LTBP1: variants seen among roughly 807,000 people sequenced by gnomAD.
LTBP1 encodes the protein latent-transforming growth factor beta-binding protein 1.
LTBP1 carries 129 observed loss-of-function variants against 207.6 expected under a neutral mutation model. The observed-to-expected ratio is 0.62, with a 90% CI of 0.54 to 0.72. The LOEUF (loss-of-function observed/expected upper bound fraction) is 0.72, where lower values mean the gene tolerates loss of function less well. LTBP1 is among the 30% of genes least tolerant of loss of function. The pLI, the probability that LTBP1 is intolerant of heterozygous loss-of-function variation, is 0.00. For synonymous variants in LTBP1, 963 were observed against 833.7 expected (o/e 1.16, Z -2.67); for missense variants, 2,281 against 2,217.2 (o/e 1.03, Z -0.58).
At chr2:33,035,584 T>C (rs753908324) in intron 3 of LTBP1, among the ~76,000 whole-genome samples, 27 of 152,246 alleles carry the variant, frequency 1.8e-4, no homozygotes, top group Non-Finnish European at 3.5e-4. Context: ...TTTTATGCAT[T>C]GTGAGAAATT....
intron 19 of LTBP1, among the ~76,000 whole-genome samples, chr2:33,282,185 A>G (rs1486493507): frequency 6.6e-6 from 1 of 151,952 alleles, no homozygotes; most frequent in Non-Finnish European, 1.5e-5. Flanking sequence ...AGATCACTGC[A>G]TTTCTCAATT....
chr2:33,139,185 A>G (rs1330833537), intron 5 of LTBP1, among the ~76,000 whole-genome samples: 1 of 151,470 alleles, frequency 6.6e-6, no homozygotes, highest in Non-Finnish European at 1.5e-5. Context: ...ACATTATTTC[A>G]TTTGATGCTT....
intron 5 of LTBP1, among the ~76,000 whole-genome samples, chr2:33,169,582 T>C (rs1360784830): frequency 6.6e-6 from 1 of 152,212 alleles, no homozygotes; most frequent in Non-Finnish European, 1.5e-5. Context: ...GGAGGGGTAA[T>C]AGCTTTTTAA....
At chr2:33,297,301 C>T (rs1573688331) in intron 20 of LTBP1, among the ~76,000 whole-genome samples, 2 of 152,158 alleles carry the variant, frequency 1.3e-5, no homozygotes, top group African/African-American at 2.4e-5. Flanking sequence ...ATGCAATCCT[C>T]ATATCAGCTC....
rs758611517 is a variant in LTBP1, at chr2:33,167,931, G to A, written c.1202-18925G>A. Among the ~76,000 whole-genome samples the A allele has an allele frequency of 9.2e-5, 14 of 152,182 alleles. 1 individual carries two copies. Among genetic ancestry groups the A allele is most frequent in the Non-Finnish European group, 1.9e-4 (13 of 68,038 alleles). On this transcript the variant is annotated intron_variant, in intron 5 of 33. Coordinates refer to ENST00000404816, the MANE Select transcript of LTBP1 (RefSeq NM_206943.4). ...GTTAAGCAGGAAATTGATGGGTGTG[G>A]TTTTCAGTTCAAATGAGTCTGTATC...
intron 10 of LTBP1, among the ~76,000 whole-genome samples, chr2:33,251,907 T>C (rs1419916023): frequency 6.6e-6 from 1 of 152,182 alleles, no homozygotes; most frequent in African/African-American, 2.4e-5. Context: ...TGTGTTTTGC[T>C]GATTTTCATA....
chr2:32,955,128 T>C (rs1264016867), intron 2 of LTBP1, among the ~76,000 whole-genome samples: 1 of 152,222 alleles, frequency 6.6e-6, no homozygotes, highest in Non-Finnish European at 1.5e-5. Flanking sequence ...TGGCCCACAG[T>C]TTGAGAAACT....
chr2:33,210,109 A>G (rs2090197152), intron 7 of LTBP1, among the ~76,000 whole-genome samples: 1 of 152,222 alleles, frequency 6.6e-6, no homozygotes, highest in Non-Finnish European at 1.5e-5. Flanking sequence ...TTGTGCAGAA[A>G]AGTCTGTTTC....
At chr2:33,229,257 G>C (rs1277850827) in intron 9 of LTBP1, among the ~76,000 whole-genome samples, 1 of 152,020 alleles carries the variant, frequency 6.6e-6, no homozygotes, top group African/African-American at 2.4e-5. Context: ...ATTGCTTGAG[G>C]CTAGGAGTTT....
chr2:33,022,680 G>A (rs1006273484), intron 3 of LTBP1, among the ~76,000 whole-genome samples: 1 of 152,142 alleles, frequency 6.6e-6, no homozygotes, highest in African/African-American at 2.4e-5. Context: ...GAAGGAAGGA[G>A]TTGGCAAAAA....
chr2:33,361,580 A>T, intron 28 of LTBP1, 65 bp downstream of exon 28: 1 of 1,169,852 alleles, frequency 8.5e-7, no homozygotes. Flanking sequence ...AAGTGAAAAC[A>T]TGGCTTGGGT....
chr2:33,385,760 G>C (rs2095260422), intron 31 of LTBP1, among the ~76,000 whole-genome samples: 1 of 152,102 alleles, frequency 6.6e-6, no homozygotes, highest in African/African-American at 2.4e-5. Flanking sequence ...GGATGGATTA[G>C]GACAGACCTG....
chr2:33,229,639 A>G (rs921829320), intron 9 of LTBP1, among the ~76,000 whole-genome samples: 44 of 152,210 alleles, frequency 2.9e-4, no homozygotes, highest in African/African-American at 8.2e-4. Context: ...CTTGCTATCT[A>G]TTTTGTATGT....
Position 33,021,165 on chromosome 2 carries a change from G to A in LTBP1, c.822G>A (p.Lys274=). ...TGGCCCAGATGACCTTAACCCTCAA[G>A]CCGAAGCCTTCAGTGGGACTCCCCC... ...SPVAQMTLTL[K]PKPSVGLPQQ... is the part of the protein sequence containing the mutation. Residue 274 remains lysine, a synonymous_variant, in exon 3 of 34, where the codon AAG becomes AAA. Coordinates refer to ENST00000404816, the MANE Select transcript of LTBP1 (RefSeq NM_206943.4). 6.2e-7 allele frequency: 1 copy of A among 1,609,578 alleles called. No individual in the cohort carries two copies. The highest frequency in any genetic ancestry group is 8.5e-7 in the Non-Finnish European group (1 of 1,177,026).
At chr2:33,039,165 C>T (rs984372634) in intron 3 of LTBP1, among the ~76,000 whole-genome samples, 2 of 152,132 alleles carry the variant, frequency 1.3e-5, no homozygotes, top group Admixed American at 1.3e-4. Context: ...CCACTCTTCT[C>T]TTTGAGGGTT....
At position 33,057,264 on chromosome 2, in the gene LTBP1, T is replaced by A. The variant is rs181269700; in HGVS notation, c.863+36058T>A. Reference sequence around the variant, plus strand: ...GTGCTAATTGGTGTGTTTACAAACCTTGAGCTAGATACAGAGTGCTCATTG... The same window carrying A: ...GTGCTAATTGGTGTGTTTACAAACCATGAGCTAGATACAGAGTGCTCATTG... On this transcript the variant is annotated intron_variant, in intron 3 of 33. Coordinates refer to ENST00000404816, the MANE Select transcript of LTBP1 (RefSeq NM_206943.4). 2.1e-5 allele frequency among the ~76,000 whole-genome samples: 3 copies of A among 145,202 alleles called. 1 individual carries two copies. Among genetic ancestry groups the A allele is most frequent in the Non-Finnish European group, 1.6e-5 (1 of 63,372 alleles).
intron 3 of LTBP1, among the ~76,000 whole-genome samples, chr2:33,076,985 A>G (rs2078119600): frequency 6.6e-6 from 1 of 152,190 alleles, no homozygotes. Flanking sequence ...TGGTTAGGAA[A>G]GATGAATTTT....
chr2:33,042,880 A>G (rs1187164526), intron 3 of LTBP1, among the ~76,000 whole-genome samples: 1 of 152,188 alleles, frequency 6.6e-6, no homozygotes, highest in Non-Finnish European at 1.5e-5. Context: ...GAGTCTATAT[A>G]AAGCTAAAAC....
chr2:33,372,630 T>A (rs747564401), intron 31 of LTBP1, among the ~76,000 whole-genome samples: 3 of 151,934 alleles, frequency 2.0e-5, no homozygotes, highest in African/African-American at 2.4e-5. Flanking sequence ...TCCCAGCACT[T>A]TGGGAGGCAG....
Sources: allele counts gnomAD v4.1 joint callset (sites outside exome capture counted in the v4.1 genomes callset), GRCh38; gene constraint gnomAD v4.1.1; transcripts MANE v1.5; gene names NCBI Gene and HGNC (gene_info 2026-07-23, HGNC 2026-07-21).